The following TBCA variants were observed in gnomAD, a reference collection of about 807,000 sequenced individuals.
The protein encoded by TBCA is tubulin-specific chaperone A.
In TBCA, 6 loss-of-function variants were observed where a neutral mutation model predicts 15.8. That is an observed-to-expected ratio of 0.38 (90% CI 0.21 to 0.75). The LOEUF is 0.75. Ranked by LOEUF, TBCA falls within the 30% of genes least tolerant of loss-of-function variation. The pLI, the probability that TBCA is intolerant of heterozygous loss-of-function variation, is 0.46. For synonymous variants in TBCA, 32 were observed against 42.3 expected (o/e 0.76, Z 0.94); for missense variants, 90 against 131.2 (o/e 0.69, Z 1.53).
At chr5:77,770,474 T>C (rs1366637348) in intron 1 of TBCA, among the ~76,000 whole-genome samples, 1 of 152,170 alleles carries the variant, frequency 6.6e-6, no homozygotes, top group Non-Finnish European at 1.5e-5. Context: ...CCAGTTTGCC[T>C]GGGACTTTCC....
At chr5:77,760,923 C>A (rs390629) in intron 1 of TBCA, among the ~76,000 whole-genome samples, 2 of 149,288 alleles carry the variant, frequency 1.3e-5, no homozygotes, top group East Asian at 2.0e-4. Context: ...GGCCACCCAT[C>A]GTCTGGGAAG....
chr5:77,744,271 A>C (rs164814), intron 1 of TBCA, among the ~76,000 whole-genome samples: 2 of 151,764 alleles, frequency 1.3e-5, no homozygotes, highest in South Asian at 4.2e-4. Flanking sequence ...TTCTGGAGAC[A>C]ATCTTGCTTG....
At chr5:77,708,376 A>G (rs1452190127) in intron 1 of TBCA, 29 bp from the exon 2 acceptor site, 1 of 1,406,912 alleles carries the variant, frequency 7.1e-7, no homozygotes, top group East Asian at 2.3e-5. Flanking sequence ...TGTTTTAGAA[A>G]ATTAGCTTTC....
intron 2 of TBCA, among the ~76,000 whole-genome samples, chr5:77,700,415 T>C (rs1054478930): frequency 6.6e-6 from 1 of 151,980 alleles, no homozygotes; most frequent in East Asian, 1.9e-4. Context: ...TCATTTTCAC[T>C]GAAGAGGATA....
chr5:77,758,109 A>G (rs1747519000), intron 1 of TBCA, among the ~76,000 whole-genome samples: 1 of 152,224 alleles, frequency 6.6e-6, no homozygotes, highest in South Asian at 2.1e-4. Context: ...CTAAAGTACA[A>G]GTGTGGCGTT....
chr5:77,762,911 CT>C (rs1443985356), intron 1 of TBCA, among the ~76,000 whole-genome samples: 1 of 152,186 alleles, frequency 6.6e-6, no homozygotes, highest in African/African-American at 2.4e-5. Context: ...CTCACACCCT[CT>C]TTTTTTCTTT....
intron 1 of TBCA, among the ~76,000 whole-genome samples, chr5:77,731,738 T>A (rs1448561324): frequency 1.3e-5 from 2 of 152,176 alleles, no homozygotes; most frequent in East Asian, 3.8e-4. Flanking sequence ...AGAAAAATTT[T>A]ATTTTATAAT....
intron 1 of TBCA, among the ~76,000 whole-genome samples, chr5:77,753,398 T>A (rs554970248): frequency 6.6e-6 from 1 of 152,300 alleles, no homozygotes; most frequent in Admixed American, 6.5e-5. Flanking sequence ...ATAAGAGACA[T>A]GCAGACAAAA....
chr5:77,766,281 C>G (rs1012433857), intron 1 of TBCA, among the ~76,000 whole-genome samples: 1 of 152,084 alleles, frequency 6.6e-6, no homozygotes, highest in Non-Finnish European at 1.5e-5. Flanking sequence ...TTTGACAGAA[C>G]TGTAATAATT....
intron 2 of TBCA, among the ~76,000 whole-genome samples, chr5:77,700,612 G>A (rs1056066011): frequency 1.1e-4 from 16 of 152,124 alleles, no homozygotes; most frequent in African/African-American, 2.9e-4. Flanking sequence ...CATTGCTGGT[G>A]GGAACATAAA....
At chr5:77,732,467 C>T (rs1192198343) in intron 1 of TBCA, among the ~76,000 whole-genome samples, 1 of 146,316 alleles carries the variant, frequency 6.8e-6, no homozygotes, top group Non-Finnish European at 1.5e-5. Flanking sequence ...AGGAGAAAGG[C>T]ATGGACCCGG....
At position 77,695,936 on chromosome 5, in the gene TBCA, T is replaced by C. The variant is rs531173212; in HGVS notation, c.160-2584A>G. Among the ~76,000 whole-genome samples, 5 of 152,160 alleles carry C rather than the reference T, an allele frequency of 3.3e-5. No individual in the cohort carries two copies. The South Asian group carries it at 1.0e-3, about 32-fold the overall frequency. On this transcript the variant is annotated intron_variant, in intron 2 of 3. Transcript: ENST00000380377. ...TATTTGGTAAAATGGAAGTTGGGAG[T>C]TAGTTTAGCAAGGTTCAGGTTATAA...
chr5:77,717,088 T>A (rs1321132559), intron 1 of TBCA, among the ~76,000 whole-genome samples: 1 of 152,180 alleles, frequency 6.6e-6, no homozygotes, highest in African/African-American at 2.4e-5. Flanking sequence ...CATGAGGAAA[T>A]CCTGCCTAAA....
chr5:77,709,779 T>A (rs1446648781), intron 1 of TBCA, among the ~76,000 whole-genome samples: 1 of 152,074 alleles, frequency 6.6e-6, no homozygotes, highest in Non-Finnish European at 1.5e-5. Flanking sequence ...GGAAGTCCAA[T>A]AATCAATGGA....
rs544191056 is a variant in TBCA, at chr5:77,708,623, G to T, written c.54-276C>A. The T allele has an allele frequency of 9.6e-5, 17 of 177,980 alleles. 1 individual carries two copies. The highest frequency in any genetic ancestry group is 5.8e-4 in the Admixed American group (10 of 17,098). 11.0% of individuals were successfully genotyped at this position (177,980 alleles called of 1,614,324 possible). On this transcript the variant is annotated intron_variant, in intron 1 of 3. Transcript: ENST00000380377. ...CTCGCTCTGTCTCCCAGGCTGGAGTGCAGTGGCGAGATCTTGGCTCACTGC... is the reference window on the plus strand; with the variant it reads ...CTCGCTCTGTCTCCCAGGCTGGAGTTCAGTGGCGAGATCTTGGCTCACTGC...
rs941219618 is a variant in TBCA at position 77,691,296 on chromosome 5, T to C, written c.*122A>G. 2.6e-5 allele frequency: 19 copies of C among 744,864 alleles called. No homozygotes were observed. Among genetic ancestry groups the C allele is most frequent in the Non-Finnish European group, 2.4e-5 (11 of 458,242 alleles). The allele number at this position is 744,864 out of a possible 1,614,324, so 46.1% of individuals were successfully genotyped here. A position where few individuals can be genotyped will look rare whatever the true frequency, so the allele number is the denominator to read the frequency against. On this transcript the variant is annotated 3_prime_UTR_variant, in exon 4 of 4. Transcript: ENST00000380377. ...ATTAAATTAGACAAAGAAATATATATGTAACCAGATAAAAACAATCACATT... is the reference window on the plus strand; with the variant it reads ...ATTAAATTAGACAAAGAAATATATACGTAACCAGATAAAAACAATCACATT...
At chr5:77,756,009 A>C (rs142699134) in intron 1 of TBCA, among the ~76,000 whole-genome samples, 251 of 151,918 alleles carry the variant, frequency 1.7e-3, no homozygotes, top group African/African-American at 5.4e-3. Flanking sequence ...TTATCTCAAA[A>C]AACAACAACA....
intron 1 of TBCA, among the ~76,000 whole-genome samples, chr5:77,756,091 T>C (rs1747470341): frequency 1.3e-5 from 2 of 152,326 alleles, no homozygotes; most frequent in South Asian, 2.1e-4. Context: ...ATTAGATGAT[T>C]TGTTTGTCAC....
Position 77,709,681 on chromosome 5 carries a change from T to C in TBCA, c.54-1334A>G, listed in dbSNP as rs146406638. 3.9e-3 allele frequency among the ~76,000 whole-genome samples: 593 copies of C among 152,234 alleles called. 4 individuals are homozygous for C. Among genetic ancestry groups the C allele is most frequent in the African/African-American group, 0.012 (499 of 41,534 alleles). Reference sequence around the variant, plus strand: ...ATGTCCTGACAATTCCATTTCTAGGTACATACCCTAGAAAAATAAAAATAT... The same window carrying C: ...ATGTCCTGACAATTCCATTTCTAGGCACATACCCTAGAAAAATAAAAATAT... On this transcript the variant is annotated intron_variant, in intron 1 of 3. Coordinates refer to ENST00000380377, the MANE Select transcript of TBCA (RefSeq NM_004607.3).
Sources: allele counts gnomAD v4.1 joint callset (sites outside exome capture counted in the v4.1 genomes callset), GRCh38; gene constraint gnomAD v4.1.1; transcripts MANE v1.5; gene names NCBI Gene and HGNC (gene_info 2026-07-23, HGNC 2026-07-21).